The following STPG2 variants were observed in gnomAD, a reference collection of about 807,000 sequenced individuals.
The protein encoded by STPG2 is sperm-tail PG-rich repeat-containing protein 2.
In STPG2, 56 loss-of-function variants were observed where a neutral mutation model predicts 54.2. That is an observed-to-expected ratio of 1.03 (90% CI 0.83 to 1.29). STPG2 has a LOEUF of 1.29. Ranked by LOEUF, STPG2 falls within the 50% of genes most tolerant of loss-of-function variation. The pLI is 0.00. For missense variants in STPG2, 596 were observed against 544.9 expected, an observed-to-expected ratio of 1.09 and a Z score of -0.93; for synonymous variants, 200 against 181.8, an observed-to-expected ratio of 1.10 and a Z score of -0.81.
intron 9 of STPG2, among the ~76,000 whole-genome samples, chr4:97,734,531 T>C (rs1724910213): frequency 1.3e-5 from 2 of 152,220 alleles, no homozygotes; most frequent in Non-Finnish European, 2.9e-5. Flanking sequence ...TCTATTGAGA[T>C]GACCATATGA....
intron 4 of STPG2, among the ~76,000 whole-genome samples, chr4:97,501,782 A>C (rs1443292402): frequency 1.3e-5 from 2 of 152,042 alleles, no homozygotes; most frequent in Admixed American, 1.3e-4. Flanking sequence ...CCAAAAACTA[A>C]AAGCATACTC....
chr4:97,794,821 T>G (rs1007187530), intron 9 of STPG2, among the ~76,000 whole-genome samples: 6 of 152,194 alleles, frequency 3.9e-5, no homozygotes, highest in African/African-American at 1.4e-4. Flanking sequence ...AGACGTGGCT[T>G]GCTTGAAAAG....
intron 8 of STPG2, among the ~76,000 whole-genome samples, chr4:97,880,484 C>T (rs909721435): frequency 2.6e-5 from 4 of 151,892 alleles, no homozygotes; most frequent in African/African-American, 9.7e-5. Context: ...GAAAATAAAC[C>T]CTTGAGAAGG....
At chr4:97,843,490 C>T (rs907170234) in intron 8 of STPG2, among the ~76,000 whole-genome samples, 1 of 151,878 alleles carries the variant, frequency 6.6e-6, no homozygotes, top group Non-Finnish European at 1.5e-5. Context: ...TAAGGAGTAG[C>T]AGTGTTGGCT....
At chr4:97,840,682 T>TC in intron 9 of STPG2, 91 bp downstream of exon 9, 1 of 1,410,036 alleles carries the variant, frequency 7.1e-7, no homozygotes, top group Non-Finnish European at 9.6e-7. Context: ...AACTTTTCAG[T>TC]CTCCAAGAAC....
At chr4:97,992,294 T>A (rs1242292710) in intron 5 of STPG2, among the ~76,000 whole-genome samples, 1 of 152,196 alleles carries the variant, frequency 6.6e-6, no homozygotes. Context: ...GAGATGAGGA[T>A]CCAGTTTCAT....
At chr4:97,482,188 G>A (rs921661999) in intron 4 of STPG2, among the ~76,000 whole-genome samples, 1 of 151,240 alleles carries the variant, frequency 6.6e-6, no homozygotes, top group African/African-American at 2.4e-5. Flanking sequence ...ATCCCATTTA[G>A]TCATAATGTA....
chr4:97,960,559 C>T (rs1192764412), intron 7 of STPG2, among the ~76,000 whole-genome samples: 1 of 152,002 alleles, frequency 6.6e-6, no homozygotes, highest in Non-Finnish European at 1.5e-5. Context: ...CCAACAGTGA[C>T]AAGCTAAGAA....
chr4:98,080,931 C>G (rs1319223652), intron 5 of STPG2, among the ~76,000 whole-genome samples: 1 of 152,108 alleles, frequency 6.6e-6, no homozygotes, highest in Non-Finnish European at 1.5e-5. Flanking sequence ...AACCTTATTC[C>G]TCAGACTCAA....
At chr4:97,566,530 G>A (rs953271084) in intron 10 of STPG2, among the ~76,000 whole-genome samples, 10 of 152,094 alleles carry the variant, frequency 6.6e-5, no homozygotes, top group Admixed American at 1.3e-4. Flanking sequence ...CTTCTGCGTC[G>A]CTCACGCTGG....
chr4:97,634,266 C>A (rs1721419017), intron 10 of STPG2, among the ~76,000 whole-genome samples: 1 of 152,038 alleles, frequency 6.6e-6, no homozygotes, highest in African/African-American at 2.4e-5. Flanking sequence ...CTCCAACAGA[C>A]CTGCAGCTGA....
chr4:97,561,388 T>G (rs1454067588), intron 10 of STPG2, among the ~76,000 whole-genome samples: 1 of 152,206 alleles, frequency 6.6e-6, no homozygotes, highest in African/African-American at 2.4e-5. Context: ...TTTCTCCCAT[T>G]TTGTAGGCTG....
intron 8 of STPG2, among the ~76,000 whole-genome samples, chr4:97,843,364 C>T (rs534252104): frequency 3.9e-5 from 6 of 151,938 alleles, no homozygotes; most frequent in East Asian, 1.9e-4. Flanking sequence ...TGGTCATAGG[C>T]TTAGTGTCCT....
At chr4:97,971,508 T>G (rs898714670) in intron 7 of STPG2, among the ~76,000 whole-genome samples, 2 of 152,122 alleles carry the variant, frequency 1.3e-5, no homozygotes. Flanking sequence ...TATATGGATA[T>G]GAAGCTGAAA....
chr4:97,523,068 AT>A (rs1178406572), intron 4 of STPG2, among the ~76,000 whole-genome samples: 2 of 151,982 alleles, frequency 1.3e-5, no homozygotes, highest in African/African-American at 4.8e-5. Context: ...AAATGTCATG[AT>A]TTTTAAAGTT....
chr4:97,802,345 A>C (rs1727427249), intron 9 of STPG2, among the ~76,000 whole-genome samples: 1 of 152,182 alleles, frequency 6.6e-6, no homozygotes, highest in Non-Finnish European at 1.5e-5. Context: ...CAAAGCACAC[A>C]CTAAGGATGT....
In STPG2 at chr4:97,908,948, T is replaced by C. The variant is rs1304315955; in HGVS notation, c.1044+34949A>G. 2.0e-5 allele frequency among the ~76,000 whole-genome samples: 3 copies of C among 151,076 alleles called. No individual in the cohort carries two copies. In the East Asian group the frequency reaches 5.9e-4, roughly 30 times the overall value. On this transcript the variant is annotated intron_variant, in intron 8 of 10. Transcript: ENST00000295268. ...AGTTAGTGGGTGCAGCGCACCAGCA[T>C]GGCACATGTATACATATGTAACTAA...
At chr4:97,741,304 C>A (rs1236472165) in intron 9 of STPG2, among the ~76,000 whole-genome samples, 2 of 152,134 alleles carry the variant, frequency 1.3e-5, no homozygotes, top group Non-Finnish European at 2.9e-5. Context: ...TAGGCATGGG[C>A]AAGTACTTCA....
chr4:98,007,916 TA>T (rs1441892476), intron 5 of STPG2, among the ~76,000 whole-genome samples: 3 of 151,726 alleles, frequency 2.0e-5, no homozygotes, highest in African/African-American at 7.3e-5. Context: ...CAGACAAAAA[TA>T]AAAACAATAA....
Sources: gnomAD v4.1 joint callset for allele counts (sites outside exome capture counted in the v4.1 genomes callset) on GRCh38, gnomAD v4.1.1 for gene constraint, MANE v1.5 for transcripts, NCBI Gene and HGNC (gene_info 2026-07-23, HGNC 2026-07-21) for gene names.